Variants in LGSN observed in about 807,000 individuals in gnomAD.
LGSN encodes the protein lengsin.
A neutral mutation model predicts 19.5 loss-of-function variants in LGSN; 21 were observed. The observed-to-expected ratio is 1.07, with a 90% CI of 0.76 to 1.55. The LOEUF is 1.55. LGSN is among the 40% of genes most tolerant of loss of function. The probability of loss-of-function intolerance (pLI) is 0.00; values close to 1 mark genes in which losing one functional copy is unlikely to be tolerated. For missense variants in LGSN, 673 were observed against 608.5 expected, an observed-to-expected ratio of 1.11 and a Z score of -1.12; for synonymous variants, 257 against 215.6, an observed-to-expected ratio of 1.19 and a Z score of -1.68.
chr6:63,412,539 A>AGAGAGAGAAGAAAGAG, the LGSN span, among the ~76,000 whole-genome samples: 1 of 137,434 alleles, frequency 7.3e-6, no homozygotes, highest in African/African-American at 3.0e-5. Context: ...GGAAAGAAAG[A>AGAGAGAGAAGAAAGAG]AAGAAAGAAA....
the LGSN span, among the ~76,000 whole-genome samples, chr6:63,344,800 T>C: frequency 1.3e-5 from 2 of 152,100 alleles, no homozygotes; most frequent in African/African-American, 4.8e-5. Flanking sequence ...AAAGTTGTAG[T>C]ACAGAAAAAA....
the LGSN span, among the ~76,000 whole-genome samples, chr6:63,367,430 G>A: frequency 3.0e-4 from 45 of 152,178 alleles, no homozygotes; most frequent in African/African-American, 1.1e-3. Flanking sequence ...TCATTAAAAA[G>A]TCAGGAAACA....
the LGSN span, among the ~76,000 whole-genome samples, chr6:63,415,106 G>T: frequency 1.3e-5 from 2 of 151,972 alleles, no homozygotes; most frequent in Admixed American, 1.3e-4. Flanking sequence ...TCACCTAGGA[G>T]GTCAGGAGTT....
the LGSN span, among the ~76,000 whole-genome samples, chr6:63,331,010 G>T: frequency 6.6e-6 from 1 of 152,166 alleles, no homozygotes; most frequent in Non-Finnish European, 1.5e-5. Flanking sequence ...GGGAGAAGGG[G>T]ACAGGTACCT....
rs751591583 is a variant in LGSN at position 63,280,514 on chromosome 6, G to C, written c.1037C>G (p.Ala346Gly). The change falls in exon 4 of 4, where the codon GCA (alanine) becomes GGA (glycine). Residue 346 changes from alanine to glycine, a missense_variant. Ala to Gly is a moderately conservative substitution (Grantham distance 60). Transcript: ENST00000370657. ...QLTITGKKWL[A>G]GLLKHSAALS... Reference sequence around the variant, plus strand: ...CGCAGCAGAGTGCTTCAAGAGTCCTGCCAACCATTTTTTCCCAGTGATCGT... The same window carrying C: ...CGCAGCAGAGTGCTTCAAGAGTCCTCCCAACCATTTTTTCCCAGTGATCGT... 2 of 1,614,086 alleles carry C rather than the reference G, an allele frequency of 1.2e-6. No homozygotes were observed. Among genetic ancestry groups the C allele is most frequent in the Admixed American group, 3.3e-5 (2 of 60,026 alleles).
chr6:63,377,981 C>G, the LGSN span, among the ~76,000 whole-genome samples: 1 of 130,576 alleles, frequency 7.7e-6, no homozygotes, highest in East Asian at 2.2e-4. Context: ...AGCCTTATTG[C>G]TGATATGGAG....
chr6:63,554,793 AT>A, the LGSN span, among the ~76,000 whole-genome samples: 15 of 152,274 alleles, frequency 9.9e-5, no homozygotes, highest in African/African-American at 3.4e-4. Context: ...TCTCAAAAAA[AT>A]GGAACAATTT....
At chr6:63,460,644 C>T in the LGSN span, among the ~76,000 whole-genome samples, 1 of 152,104 alleles carries the variant, frequency 6.6e-6, no homozygotes, top group African/African-American at 2.4e-5. Flanking sequence ...TTCCCTCCTA[C>T]TATTACTTAA....
the LGSN span, among the ~76,000 whole-genome samples, chr6:63,468,813 G>C: frequency 6.8e-6 from 1 of 147,924 alleles, no homozygotes; most frequent in Non-Finnish European, 1.5e-5. Context: ...CAATGGCACG[G>C]TCTCGGCTCA....
chr6:63,548,682 T>C, the LGSN span: 3 of 501,546 alleles, frequency 6.0e-6, no homozygotes, highest in South Asian at 5.5e-5. Context: ...ATTATTTTTA[T>C]GTACAGAAAA....
chr6:63,527,820 G>T, the LGSN span: 1 of 152,202 alleles, frequency 6.6e-6, no homozygotes, highest in Non-Finnish European at 1.5e-5. Flanking sequence ...CCTCTGCAGA[G>T]ACTTGCTTCA....
the LGSN span, among the ~76,000 whole-genome samples, chr6:63,495,469 T>TGTTTTTTTTG: frequency 3.2e-4 from 38 of 119,300 alleles, 3 homozygotes; most frequent in South Asian, 5.8e-4. Context: ...TTTTTTTTTT[T>TGTTTTTTTTG]TTTTTTTGAG....
the LGSN span, among the ~76,000 whole-genome samples, chr6:63,526,348 A>G: frequency 6.6e-6 from 1 of 151,992 alleles, no homozygotes; most frequent in South Asian, 2.1e-4. Flanking sequence ...AAATAAAAGA[A>G]ATTTCCAGAA....
At chr6:63,452,515 G>T in the LGSN span, among the ~76,000 whole-genome samples, 1 of 152,082 alleles carries the variant, frequency 6.6e-6, no homozygotes, top group African/African-American at 2.4e-5. Context: ...CTGGTAGTTT[G>T]TGACTTCAAA....
the LGSN span, among the ~76,000 whole-genome samples, chr6:63,456,296 AG>A: frequency 6.9e-6 from 1 of 144,544 alleles, no homozygotes; most frequent in Non-Finnish European, 1.5e-5. Flanking sequence ...GCATATCTTC[AG>A]GGCACCTTGA....
the LGSN span, among the ~76,000 whole-genome samples, chr6:63,352,737 A>T: frequency 2.0e-5 from 3 of 152,068 alleles, no homozygotes; most frequent in Non-Finnish European, 4.4e-5. Flanking sequence ...GTTATGTTAG[A>T]GACTGTTCAT....
chr6:63,295,299 C>T (rs1289769563), intron 1 of LGSN, among the ~76,000 whole-genome samples: 5 of 152,038 alleles, frequency 3.3e-5, no homozygotes, highest in Admixed American at 2.6e-4. Context: ...AAATTAAAAT[C>T]GTGTCTAATT....
At chr6:63,299,701 G>C (rs1443447837) in intron 1 of LGSN, among the ~76,000 whole-genome samples, 1 of 152,126 alleles carries the variant, frequency 6.6e-6, no homozygotes, top group East Asian at 1.9e-4. Flanking sequence ...CTATATGTCT[G>C]TAAGTGTTAT....
At chr6:63,377,460 C>A in the LGSN span, among the ~76,000 whole-genome samples, 1 of 152,290 alleles carries the variant, frequency 6.6e-6, no homozygotes, top group South Asian at 2.1e-4. Flanking sequence ...TTCATTCAAT[C>A]CTTCAAAGAA....
Sources: gnomAD v4.1 joint callset for allele counts (sites outside exome capture counted in the v4.1 genomes callset) on GRCh38, gnomAD v4.1.1 for gene constraint, MANE v1.5 for transcripts, NCBI Gene and HGNC (gene_info 2026-07-23, HGNC 2026-07-21) for gene names.